The following EXT1 variants were observed in gnomAD, a reference collection of about 807,000 sequenced individuals.
The protein encoded by EXT1 is exostosin-1.
Under a neutral mutation model 82.5 loss-of-function variants are expected in EXT1, and 20 were observed. The ratio of observed to expected loss-of-function variants is 0.24; its 90% CI spans 0.17 to 0.35. The LOEUF is 0.35. Among genes scored for constraint, EXT1 ranks in the 10% least tolerant of loss-of-function variants. EXT1 has a pLI of 1.00. For missense variants in EXT1, 757 were observed against 936.5 expected (o/e 0.81, Z 2.50); for synonymous variants, 348 against 350.8 (o/e 0.99, Z 0.09).
intron 1 of EXT1, among the ~76,000 whole-genome samples, chr8:117,945,793 G>A (rs751893393): frequency 2.6e-5 from 4 of 152,228 alleles, no homozygotes; most frequent in South Asian, 4.2e-4. Context: ...GAGCCACCAC[G>A]CCTGGTCTGT....
chr8:117,979,996 G>A (rs1020448891), intron 1 of EXT1, among the ~76,000 whole-genome samples: 1 of 152,128 alleles, frequency 6.6e-6, no homozygotes, highest in Non-Finnish European at 1.5e-5. Flanking sequence ...CATGGACAAG[G>A]TAGCAAAGCT....
At chr8:117,812,135 C>T (rs1391352751) in intron 8 of EXT1, among the ~76,000 whole-genome samples, 1 of 152,108 alleles carries the variant, frequency 6.6e-6, no homozygotes, top group Non-Finnish European at 1.5e-5. Context: ...TTAGTAGTTG[C>T]CATTAATAAT....
At chr8:117,835,887 A>T (rs1452040984) in intron 2 of EXT1, among the ~76,000 whole-genome samples, 1 of 152,176 alleles carries the variant, frequency 6.6e-6, no homozygotes, top group Admixed American at 6.5e-5. Context: ...GCACCAACAA[A>T]ATCTGAGTAT....
chr8:118,013,315 T>A (rs1172684882), intron 1 of EXT1, among the ~76,000 whole-genome samples: 1 of 152,040 alleles, frequency 6.6e-6, no homozygotes, highest in Non-Finnish European at 1.5e-5. Context: ...TTTGAGCAAT[T>A]CTCCTGCCTC....
In EXT1 at chr8:117,819,759, G is replaced by A; in HGVS notation, c.1453C>T (p.His485Tyr). 6.2e-7 allele frequency: 1 copy of A among 1,613,532 alleles called. No homozygotes were observed. Among genetic ancestry groups the A allele is most frequent in the South Asian group, 1.1e-5 (1 of 91,050 alleles). Residue 485 changes from histidine (H) to tyrosine (Y), a missense_variant, in exon 6 of 11, where the codon CAT becomes TAT. Around this residue, in one of 4 missense-constraint regions of EXT1, gnomAD observed 207 missense variants for 224.2 expected, o/e 0.92. Coordinates refer to ENST00000378204, the MANE Select transcript of EXT1 (RefSeq NM_000127.3). ...KPPSKFTAVI[H>Y]AVTPLVSQSQ... ...TGAGAGACCAGGGGGGTCACCGCAT[G>A]GATGACTGCAGTGAATTTGGAGGGG... is the stretch of plus-strand genomic sequence containing the variant.
intron 1 of EXT1, among the ~76,000 whole-genome samples, chr8:117,910,291 C>T (rs1813621675): frequency 1.3e-5 from 2 of 152,144 alleles, no homozygotes; most frequent in African/African-American, 4.8e-5. Context: ...ACCGGGCTGC[C>T]AGGAGGAAGG....
At chr8:118,036,286 A>G (rs964441653) in intron 1 of EXT1, among the ~76,000 whole-genome samples, 3 of 152,006 alleles carry the variant, frequency 2.0e-5, no homozygotes, top group Admixed American at 1.3e-4. Flanking sequence ...GCTGTTAGCC[A>G]TTCCAGAAAC....
intron 1 of EXT1, among the ~76,000 whole-genome samples, chr8:117,911,094 C>T (rs536888629): frequency 6.6e-6 from 1 of 152,328 alleles, no homozygotes; most frequent in East Asian, 1.9e-4. Flanking sequence ...TCAGCATCCT[C>T]AGCTGTAAAT....
At chr8:117,909,256 T>C (rs549573387) in intron 1 of EXT1, among the ~76,000 whole-genome samples, 2 of 152,180 alleles carry the variant, frequency 1.3e-5, no homozygotes, top group Non-Finnish European at 2.9e-5. Context: ...GGCCCTTCAG[T>C]TGCAATTGGA....
chr8:117,942,847 T>G (rs1044762832), intron 1 of EXT1, among the ~76,000 whole-genome samples: 1 of 152,210 alleles, frequency 6.6e-6, no homozygotes, highest in African/African-American at 2.4e-5. Flanking sequence ...ATTCTACAAG[T>G]TGAATAAATT....
intron 1 of EXT1, among the ~76,000 whole-genome samples, chr8:117,975,227 C>T (rs1474067159): frequency 6.6e-6 from 1 of 152,116 alleles, no homozygotes; most frequent in African/African-American, 2.4e-5. Flanking sequence ...ATCTGGTGAG[C>T]GTCCAGCTGG....
At chr8:117,976,403 A>T (rs934681707) in intron 1 of EXT1, among the ~76,000 whole-genome samples, 1 of 152,226 alleles carries the variant, frequency 6.6e-6, no homozygotes, top group African/African-American at 2.4e-5. Context: ...GTGTAAACAC[A>T]CTCTGGCATA....
intron 1 of EXT1, among the ~76,000 whole-genome samples, chr8:117,957,477 T>TAC (rs1408816753): frequency 6.6e-6 from 1 of 152,162 alleles, no homozygotes; most frequent in Non-Finnish European, 1.5e-5. Flanking sequence ...CTGCAGGTCT[T>TAC]ACGGAGGGAG....
chr8:117,956,463 T>A (rs1046136016), intron 1 of EXT1, among the ~76,000 whole-genome samples: 21 of 151,902 alleles, frequency 1.4e-4, no homozygotes, highest in South Asian at 6.2e-4. Context: ...AAAAAAAAAA[T>A]TTTTGAGACA....
chr8:117,915,778 C>T (rs1813736061), intron 1 of EXT1, among the ~76,000 whole-genome samples: 1 of 152,132 alleles, frequency 6.6e-6, no homozygotes, highest in African/African-American at 2.4e-5. Flanking sequence ...CTCTCTTAAA[C>T]CCAAGAGGCG....
At chr8:117,848,328 C>G (rs1216032600) in intron 1 of EXT1, among the ~76,000 whole-genome samples, 1 of 152,164 alleles carries the variant, frequency 6.6e-6, no homozygotes, top group African/African-American at 2.4e-5. Context: ...AGTCTAGATT[C>G]TGCCATTTCC....
chr8:117,823,504 A>AT (rs924959431), intron 4 of EXT1, among the ~76,000 whole-genome samples: 2 of 148,428 alleles, frequency 1.3e-5, no homozygotes, highest in Non-Finnish European at 3.0e-5. Flanking sequence ...TTTTTTTTAC[A>AT]TTAAAAAAAA....
chr8:118,010,680 C>A (rs1340639609), intron 1 of EXT1, among the ~76,000 whole-genome samples: 1 of 152,146 alleles, frequency 6.6e-6, no homozygotes, highest in Non-Finnish European at 1.5e-5. Flanking sequence ...CTGGGAGGCT[C>A]CCAGTACCCT....
Position 117,817,620 on chromosome 8 carries a change from A to G in EXT1, c.1632+815T>C, listed in dbSNP as rs139844417. ...TAAAGAATATATGGGAATGTTGACA[A>G]GCAGAGATGATGAGTTGAGGGGTGG... On this transcript the variant is annotated intron_variant, in intron 7 of 10. Coordinates refer to ENST00000378204, the MANE Select transcript of EXT1 (RefSeq NM_000127.3). Among the ~76,000 whole-genome samples the G allele has an allele frequency of 3.6e-3, 551 of 152,264 alleles. 3 individuals carry two copies. The highest frequency in any genetic ancestry group is 0.013 in the African/African-American group (524 of 41,548).
Sources: allele counts gnomAD v4.1 joint callset (sites outside exome capture counted in the v4.1 genomes callset), GRCh38; gene constraint gnomAD v4.1.1; regional missense constraint gnomAD v4.1.1; transcripts MANE v1.5; gene names NCBI Gene and HGNC (gene_info 2026-07-23, HGNC 2026-07-21).